CRYBG3: variants seen among roughly 807,000 people sequenced by gnomAD.
CRYBG3 encodes crystallin beta-gamma domain containing 3.
A neutral mutation model predicts 244.2 loss-of-function variants in CRYBG3; 127 were observed. That is an observed-to-expected ratio of 0.52 (90% CI 0.45 to 0.60). The LOEUF is 0.60. CRYBG3 is among the 20% of genes least tolerant of loss of function. The pLI is 0.00. For missense variants in CRYBG3, 3,325 were observed against 3,442.5 expected (o/e 0.97, Z 0.85); for synonymous variants, 1,132 against 1,195.8 (o/e 0.95, Z 1.10).
intron 2 of CRYBG3, among the ~76,000 whole-genome samples, chr3:97,859,964 T>C (rs1029536737): frequency 4.6e-5 from 7 of 152,200 alleles, no homozygotes; most frequent in African/African-American, 1.7e-4. Flanking sequence ...CCATAGTCAC[T>C]CCCTTTCCAA....
chr3:97,860,635 T>C (rs1303624411), intron 2 of CRYBG3, among the ~76,000 whole-genome samples: 6 of 152,148 alleles, frequency 3.9e-5, no homozygotes, highest in Non-Finnish European at 8.8e-5. Flanking sequence ...GTGAGGAAGA[T>C]AGTCCTCATC....
chr3:97,918,809 G>A (rs894211695), intron 17 of CRYBG3, among the ~76,000 whole-genome samples: 1 of 152,172 alleles, frequency 6.6e-6, no homozygotes, highest in Non-Finnish European at 1.5e-5. Flanking sequence ...TTGGGGACAT[G>A]ACTATTTTCA....
At position 97,875,381 on chromosome 3, in the gene CRYBG3, G is replaced by A; in HGVS notation, c.4187G>A (p.Gly1396Glu). 1 of 1,408,878 alleles carries A rather than the reference G, an allele frequency of 7.1e-7. No homozygotes were observed. 87.3% of individuals were successfully genotyped at this position (1,408,878 alleles called of 1,614,324 possible). A position where few individuals can be genotyped will look rare whatever the true frequency, so the allele number is the denominator to read the frequency against. ...AGTGGCACAGAGTCAATTAAGGGAG[G>A]AGAAATTGTTCTCTACCAAAAATCC... ...LASGTESIKG[G>E]EIVLYQKSLF... Residue 1396 changes from glycine (G) to glutamate (E), a missense_variant, in exon 4 of 22, where the codon GGA becomes GAA. By Grantham distance (98) the Gly-to-Glu change is moderately conservative. Coordinates refer to ENST00000389622, the MANE Select transcript of CRYBG3 (RefSeq NM_153605.4).
At chr3:97,888,783 A>T (rs949997642) in intron 9 of CRYBG3, among the ~76,000 whole-genome samples, 1 of 152,210 alleles carries the variant, frequency 6.6e-6, no homozygotes, top group Non-Finnish European at 1.5e-5. Flanking sequence ...AACAAAAAAA[A>T]CTACAGAATT....
At chr3:97,857,880 C>T (rs571227228) in intron 2 of CRYBG3, among the ~76,000 whole-genome samples, 2 of 151,918 alleles carry the variant, frequency 1.3e-5, no homozygotes, top group African/African-American at 4.8e-5. Flanking sequence ...CTGATCATTT[C>T]GTATATACAT....
Position 97,822,330 on chromosome 3 carries a change from C to T in CRYBG3, c.124C>T (p.Pro42Ser). Reference sequence around the variant, plus strand: ...GGAGAGGCCGGGGACGAGCCCGCCTCCAGCTCCAGGCCGGTCCGCTGCCAG... The same window carrying T: ...GGAGAGGCCGGGGACGAGCCCGCCTTCAGCTCCAGGCCGGTCCGCTGCCAG... ...EEERPGTSPP[P>S]APGRSAASVE... is the part of the protein sequence containing the mutation. The change falls in exon 1 of 22, where the codon CCA (proline) becomes TCA (serine). Residue 42 changes from proline (P) to serine (S), a missense_variant. By Grantham distance (74) the Pro-to-Ser change is moderately conservative (BLOSUM62 -1). Around this residue, in one of 4 missense-constraint regions of CRYBG3, gnomAD observed 1,526 missense variants for 1,443.2 expected, o/e 1.06. Transcript: ENST00000389622. 6.6e-7 allele frequency: 1 copy of T among 1,512,004 alleles called. No homozygotes were observed. The highest frequency in any genetic ancestry group is 8.8e-7 in the Non-Finnish European group (1 of 1,135,072). The allele number at this position is 1,512,004 out of a possible 1,614,324, so 93.7% of individuals were successfully genotyped here.
At chr3:97,853,571 C>A (rs1444513563) in intron 2 of CRYBG3, among the ~76,000 whole-genome samples, 1 of 152,058 alleles carries the variant, frequency 6.6e-6, no homozygotes, top group African/African-American at 2.4e-5. Context: ...TGGGTAGATA[C>A]CCAGTTGTGG....
At chr3:97,823,151 G>T (rs1483735346) in intron 1 of CRYBG3, among the ~76,000 whole-genome samples, 1 of 152,064 alleles carries the variant, frequency 6.6e-6, no homozygotes, top group Non-Finnish European at 1.5e-5. Context: ...TTTTAGACAT[G>T]CCTCATTTAA....
At chr3:97,913,854 A>G (rs530061232) in intron 16 of CRYBG3, among the ~76,000 whole-genome samples, 1 of 152,286 alleles carries the variant, frequency 6.6e-6, no homozygotes, top group Admixed American at 6.5e-5. Context: ...CGACTTGGAG[A>G]AAGCTTTTGT....
intron 1 of CRYBG3, among the ~76,000 whole-genome samples, chr3:97,836,626 G>A (rs2038737280): frequency 6.6e-6 from 1 of 152,104 alleles, no homozygotes; most frequent in South Asian, 2.1e-4. Flanking sequence ...GTGTTTCTAA[G>A]AAAAATATCC....
At chr3:97,943,195 A>G (rs2040270085) in intron 21 of CRYBG3, 31 bp from the exon 22 acceptor site, 2 of 1,314,398 alleles carry the variant, frequency 1.5e-6, no homozygotes, top group Non-Finnish European at 2.2e-6. Flanking sequence ...GCCTGAACAA[A>G]TAATCTTTTC....
chr3:97,853,789 T>C (rs1366665910), intron 2 of CRYBG3, among the ~76,000 whole-genome samples: 1 of 152,184 alleles, frequency 6.6e-6, no homozygotes, highest in Non-Finnish European at 1.5e-5. Flanking sequence ...ACAATCGTGG[T>C]ATCACAATTG....
chr3:97,900,330 A>G (rs1012043382), intron 14 of CRYBG3, 123 bp from the exon 15 acceptor site: 2 of 609,668 alleles, frequency 3.3e-6, no homozygotes, highest in Non-Finnish European at 5.9e-6. Context: ...CCTGGATAAC[A>G]GAGGAATACT....
intron 11 of CRYBG3, among the ~76,000 whole-genome samples, chr3:97,893,419 A>G (rs1320841955): frequency 6.6e-6 from 1 of 152,202 alleles, no homozygotes; most frequent in Non-Finnish European, 1.5e-5. Context: ...AAAGTCAAGG[A>G]TTTTTGACAT....
At chr3:97,920,482 T>C (rs1444157532) in intron 17 of CRYBG3, among the ~76,000 whole-genome samples, 1 of 152,116 alleles carries the variant, frequency 6.6e-6, no homozygotes, top group Non-Finnish European at 1.5e-5. Flanking sequence ...TTCATAGACT[T>C]GTTCTTCTTT....
chr3:97,822,343 G>A lies in CRYBG3; in HGVS notation c.137G>A (p.Arg46Gln), dbSNP rs998291900. Residue 46 changes from arginine to glutamine, a missense_variant, in exon 1 of 22, where the codon CGG becomes CAG. Coordinates refer to ENST00000389622, the MANE Select transcript of CRYBG3 (RefSeq NM_153605.4). ...PGTSPPPAPG[R>Q]SAASVENEPM... Reference sequence around the variant, plus strand: ...ACGAGCCCGCCTCCAGCTCCAGGCCGGTCCGCTGCCAGGTGGGAGTCGAGG... The same window carrying A: ...ACGAGCCCGCCTCCAGCTCCAGGCCAGTCCGCTGCCAGGTGGGAGTCGAGG... 1.3e-6 allele frequency: 2 copies of A among 1,503,632 alleles called. No homozygotes were observed. Among genetic ancestry groups the A allele is most frequent in the Non-Finnish European group, 8.8e-7 (1 of 1,130,156 alleles). The allele number at this position is 1,503,632 out of a possible 1,614,324, so 93.1% of individuals were successfully genotyped here. A position where few individuals can be genotyped will look rare whatever the true frequency, so the allele number is the denominator to read the frequency against.
At chr3:97,923,430 T>C (rs1452435884) in intron 17 of CRYBG3, among the ~76,000 whole-genome samples, 2 of 152,120 alleles carry the variant, frequency 1.3e-5, no homozygotes, top group Non-Finnish European at 2.9e-5. Flanking sequence ...ATTATGCACA[T>C]TTTGAAAATG....
intron 11 of CRYBG3, among the ~76,000 whole-genome samples, chr3:97,894,007 C>A (rs371048830): frequency 1.3e-5 from 2 of 152,224 alleles, no homozygotes; most frequent in South Asian, 2.1e-4. Context: ...TCACTTACTT[C>A]CTTGTCCTTC....
chr3:97,874,815 T>C lies in CRYBG3; in HGVS notation c.3621T>C (p.Ile1207=), dbSNP rs1178965943. ...LKKADTLIGE[I]FNSVREELKF... ...AGGCCGATACATTGATTGGTGAGAT[T>C]TTTAATTCTGTCAGGGAAGAACTAA... The change falls in exon 4 of 22, where the codon ATT becomes ATC. Residue 1207 remains isoleucine, a synonymous_variant. Transcript: ENST00000389622. 27 of 1,536,066 alleles carry C rather than the reference T, an allele frequency of 1.8e-5. No individual in the cohort carries two copies. Among genetic ancestry groups the C allele is most frequent in the Non-Finnish European group, 2.3e-5 (26 of 1,146,880 alleles).
Sources: gnomAD v4.1 joint callset for allele counts (sites outside exome capture counted in the v4.1 genomes callset) on GRCh38, gnomAD v4.1.1 for gene constraint, gnomAD v4.1.1 regional missense constraint, MANE v1.5 for transcripts, NCBI Gene and HGNC (gene_info 2026-07-23, HGNC 2026-07-21) for gene names.